Variants in PRELID2 observed in about 807,000 individuals in gnomAD.
The protein encoded by PRELID2 is PRELI domain containing 2.
In PRELID2, 25 loss-of-function variants were observed where a neutral mutation model predicts 28.4. The ratio of observed to expected loss-of-function variants is 0.88; its 90% CI spans 0.64 to 1.23. The LOEUF (loss-of-function observed/expected upper bound fraction) is 1.23. Ranked by LOEUF, PRELID2 falls within the 50% of genes most tolerant of loss-of-function variation. The pLI is 0.00. For synonymous variants in PRELID2, 76 were observed against 71.6 expected (o/e 1.06, Z -0.31); for missense variants, 201 against 214.4 (o/e 0.94, Z 0.39).
At chr5:145,767,220 G>A (rs1195665877) in intron 5 of PRELID2, among the ~76,000 whole-genome samples, 1 of 149,550 alleles carries the variant, frequency 6.7e-6, no homozygotes, top group Non-Finnish European at 1.5e-5. Context: ...GCTGGACATT[G>A]GAGAGAAGCA....
At chr5:145,678,291 G>T (rs1380763760) in intron 1 of PRELID2, among the ~76,000 whole-genome samples, 1 of 152,170 alleles carries the variant, frequency 6.6e-6, no homozygotes, top group Admixed American at 6.5e-5. Context: ...CCTGTCCCAT[G>T]CCTTTTCTGT....
chr5:145,829,471 C>T (rs1389724884), intron 1 of PRELID2, among the ~76,000 whole-genome samples: 2 of 152,138 alleles, frequency 1.3e-5, no homozygotes, highest in African/African-American at 2.4e-5. Flanking sequence ...AAGGAGCCTG[C>T]TGTGTGCTGA....
downstream of PRELID2, among the ~76,000 whole-genome samples, chr5:145,755,477 T>C (rs1757232487): frequency 6.6e-6 from 1 of 152,178 alleles, no homozygotes. Flanking sequence ...TTTTTTGTTT[T>C]CTAATCTTAA....
chr5:145,614,625 C>T (rs1753668624), intron 1 of PRELID2, among the ~76,000 whole-genome samples: 2 of 152,146 alleles, frequency 1.3e-5, no homozygotes, highest in Non-Finnish European at 2.9e-5. Flanking sequence ...ATTTCATTCT[C>T]TGCTTGGTTG....
chr5:145,550,506 T>C (rs1371003866), intron 1 of PRELID2, among the ~76,000 whole-genome samples: 1 of 152,068 alleles, frequency 6.6e-6, no homozygotes, highest in African/African-American at 2.4e-5. Context: ...GACCAGGAGA[T>C]AAGGCTGCAG....
the PRELID2 span, among the ~76,000 whole-genome samples, chr5:145,264,969 TAAAAAAA>T: frequency 3.5e-5 from 2 of 56,876 alleles, no homozygotes; most frequent in African/African-American, 5.7e-5. Context: ...AGTGCAACTC[TAAAAAAA>T]AAAAAAAAAA....
At chr5:145,833,018 C>CA (rs5871944) in intron 1 of PRELID2, among the ~76,000 whole-genome samples, 108,056 of 151,864 alleles carry the variant, frequency 0.71, 38,983 homozygotes, top group Non-Finnish European at 0.78. Flanking sequence ...ATGTTAATCT[C>CA]CCCACTACAC....
At chr5:145,323,813 C>A in the PRELID2 span, among the ~76,000 whole-genome samples, 1 of 152,146 alleles carries the variant, frequency 6.6e-6, no homozygotes, top group Non-Finnish European at 1.5e-5. Flanking sequence ...TTTATGGCTG[C>A]ATAGTATTCC....
chr5:145,433,957 C>T, the PRELID2 span, among the ~76,000 whole-genome samples: 11 of 152,170 alleles, frequency 7.2e-5, no homozygotes, highest in Admixed American at 6.5e-4. Flanking sequence ...CCTCTGACCA[C>T]CGCAGGCAGT....
intron 1 of PRELID2, among the ~76,000 whole-genome samples, chr5:145,599,558 T>C (rs1036894383): frequency 6.6e-6 from 1 of 152,184 alleles, no homozygotes; most frequent in African/African-American, 2.4e-5. Context: ...CTGGACTGTT[T>C]CTGTCTTACG....
In PRELID2 at chr5:145,601,318, G is replaced by GA. The variant is rs1753394182; in HGVS notation, n.71-128004dup. Among the ~76,000 whole-genome samples the GA allele has an allele frequency of 2.6e-5, 4 of 151,804 alleles. 1 individual carries two copies. The South Asian group carries it at 8.3e-4, about 32-fold the overall frequency. ...AATTGCTTAGCCTGAAATACAGAGA[G>GA]AAAAAAATGGAAATTACAGAGAAGA... On this transcript the variant is annotated intron_variant and non_coding_transcript_variant, in intron 1 of 2. Transcript: ENST00000510259.
chr5:145,457,174 A>G, the PRELID2 span, among the ~76,000 whole-genome samples: 1 of 152,136 alleles, frequency 6.6e-6, no homozygotes, highest in African/African-American at 2.4e-5. Flanking sequence ...TAATAAAAAG[A>G]GCATGAGCTT....
chr5:145,419,092 G>C, the PRELID2 span, among the ~76,000 whole-genome samples: 1 of 150,248 alleles, frequency 6.7e-6, no homozygotes, highest in Non-Finnish European at 1.5e-5. Flanking sequence ...GTATTCCATG[G>C]TGTATATGTG....
chr5:145,658,281 T>G (rs1195449670), intron 1 of PRELID2, among the ~76,000 whole-genome samples: 1 of 152,222 alleles, frequency 6.6e-6, no homozygotes, highest in Non-Finnish European at 1.5e-5. Flanking sequence ...AAGAGTAGCC[T>G]TGTACCCCAC....
intron 1 of PRELID2, among the ~76,000 whole-genome samples, chr5:145,579,174 G>GCT (rs1753086943): frequency 6.6e-6 from 1 of 152,070 alleles, no homozygotes; most frequent in African/African-American, 2.4e-5. Context: ...ACATTATGAA[G>GCT]AGTGTGAAAA....
downstream of PRELID2, among the ~76,000 whole-genome samples, chr5:145,471,365 C>T (rs778697841): frequency 3.9e-5 from 6 of 152,066 alleles, no homozygotes; most frequent in South Asian, 6.2e-4. Context: ...AATTAGCTGG[C>T]AGTCAAAACC....
chr5:145,790,759 T>A (rs1752328973), intron 5 of PRELID2, among the ~76,000 whole-genome samples: 1 of 141,698 alleles, frequency 7.1e-6, no homozygotes, highest in Admixed American at 7.3e-5. Context: ...AAATGCCACA[T>A]TGTATCCCGT....
intron 1 of PRELID2, among the ~76,000 whole-genome samples, chr5:145,528,728 G>C (rs201713702): frequency 0.021 from 889 of 42,166 alleles, 3 homozygotes; most frequent in African/African-American, 0.043. Context: ...CACACACACA[G>C]AGAGAGAGAG....
chr5:145,590,225 A>T (rs1753208920), intron 1 of PRELID2, among the ~76,000 whole-genome samples: 1 of 152,052 alleles, frequency 6.6e-6, no homozygotes, highest in Non-Finnish European at 1.5e-5. Flanking sequence ...CCCCCAGATT[A>T]TTGGATGGTT....
Sources: allele counts gnomAD v4.1 joint callset (sites outside exome capture counted in the v4.1 genomes callset), GRCh38; gene constraint gnomAD v4.1.1; transcripts MANE v1.5; gene names NCBI Gene and HGNC (gene_info 2026-07-23, HGNC 2026-07-21).